EPB41L3: variants seen among roughly 807,000 people sequenced by gnomAD.
The protein encoded by EPB41L3 is erythrocyte membrane protein band 4.1 like 3.
A neutral mutation model predicts 127.1 loss-of-function variants in EPB41L3; 57 were observed. The observed-to-expected ratio is 0.45, with a 90% CI of 0.36 to 0.56. EPB41L3 has a LOEUF of 0.56. Among genes scored for constraint, EPB41L3 ranks in the 20% least tolerant of loss-of-function variants. The probability of loss-of-function intolerance (pLI) is 0.00; values close to 1 mark genes in which losing one functional copy is unlikely to be tolerated. For synonymous variants in EPB41L3, 572 were observed against 549.5 expected, an observed-to-expected ratio of 1.04 and a Z score of -0.57; for missense variants, 1,273 against 1,372.2, an observed-to-expected ratio of 0.93 and a Z score of 1.14.
At chr18:5,445,555 G>C (rs112886327) in intron 3 of EPB41L3, among the ~76,000 whole-genome samples, 1 of 152,204 alleles carries the variant, frequency 6.6e-6, no homozygotes, top group Non-Finnish European at 1.5e-5. Context: ...AAAATAATGT[G>C]ATGCTTGGAA....
At chr18:5,538,585 G>T (rs187268759) in intron 1 of EPB41L3, among the ~76,000 whole-genome samples, 88 of 152,322 alleles carry the variant, frequency 5.8e-4, no homozygotes, top group African/African-American at 2.0e-3. Context: ...AGAAGAGAGA[G>T]CTAAAACAGA....
chr18:5,601,922 T>C (rs975504874), intron 3 of EPB41L3, among the ~76,000 whole-genome samples: 5 of 152,172 alleles, frequency 3.3e-5, no homozygotes, highest in Admixed American at 6.6e-5. Flanking sequence ...TTCGGAGTGG[T>C]TGATTTTCTT....
chr18:5,571,192 A>T lies in EPB41L3; in HGVS notation c.-306+41148T>A, dbSNP rs535892791. Among the ~76,000 whole-genome samples, 38 of 152,352 alleles carry T rather than the reference A, an allele frequency of 2.5e-4. 1 individual carries two copies. The South Asian group carries it at 7.9e-3, about 32-fold the overall frequency. ...GCATTCCAAGAAGTATCAGAAACAA[A>T]TATTGGCTCTAAATAATATCCTCAC... On this transcript the variant is annotated intron_variant, in intron 3 of 21. Transcript: ENST00000545076.
At chr18:5,430,326 G>A (rs549172992) in intron 8 of EPB41L3, among the ~76,000 whole-genome samples, 4 of 152,248 alleles carry the variant, frequency 2.6e-5, no homozygotes, top group African/African-American at 9.6e-5. Context: ...GAGAGCAGGA[G>A]CTCTGTTTAT....
chr18:5,476,129 C>T (rs568227845), intron 3 of EPB41L3, among the ~76,000 whole-genome samples: 66 of 152,188 alleles, frequency 4.3e-4, no homozygotes, highest in African/African-American at 1.5e-3. Flanking sequence ...TCTCATTCAA[C>T]CAATCGGTTA....
At chr18:5,422,307 T>C (rs2077574980) in intron 11 of EPB41L3, among the ~76,000 whole-genome samples, 1 of 152,142 alleles carries the variant, frequency 6.6e-6, no homozygotes, top group African/African-American at 2.4e-5. Flanking sequence ...AGTATTCCAT[T>C]AGAAAAAGAC....
intron 1 of EPB41L3, among the ~76,000 whole-genome samples, chr18:5,498,323 G>A (rs916864041): frequency 6.6e-6 from 1 of 152,096 alleles, no homozygotes; most frequent in Non-Finnish European, 1.5e-5. Context: ...GCTGGGCGCC[G>A]TGGCTCACGC....
intron 3 of EPB41L3, among the ~76,000 whole-genome samples, chr18:5,592,017 A>AT (rs1430175538): frequency 6.6e-6 from 1 of 152,198 alleles, no homozygotes; most frequent in Non-Finnish European, 1.5e-5. Flanking sequence ...GCTTTAGACC[A>AT]TGGTGAAATT....
chr18:5,536,502 T>TA lies in EPB41L3; in HGVS notation c.-12+7410dup, dbSNP rs201022441. 2.7e-3 allele frequency among the ~76,000 whole-genome samples: 398 copies of TA among 144,998 alleles called. 1 individual carries two copies. Among genetic ancestry groups the TA allele is most frequent in the African/African-American group, 8.2e-3 (323 of 39,606 alleles). Reference sequence around the variant, plus strand: ...CTCCTCCGAGACATACTGTTACATTTAAAAAAAAAAAAAATTTGGCCTGGT... The same window carrying TA: ...CTCCTCCGAGACATACTGTTACATTTAAAAAAAAAAAAAAATTTGGCCTGGT... On this transcript the variant is annotated intron_variant, in intron 1 of 22. Coordinates refer to ENST00000341928, the MANE Select transcript of EPB41L3 (RefSeq NM_012307.5).
intron 3 of EPB41L3, among the ~76,000 whole-genome samples, chr18:5,607,898 A>G (rs920427264): frequency 2.8e-5 from 4 of 141,438 alleles, no homozygotes; most frequent in African/African-American, 1.3e-4. Flanking sequence ...CTACCTTTGA[A>G]GGGCCAGGAA....
intron 1 of EPB41L3, among the ~76,000 whole-genome samples, chr18:5,530,398 A>C (rs1183243665): frequency 2.6e-5 from 4 of 152,110 alleles, no homozygotes; most frequent in Non-Finnish European, 5.9e-5. Flanking sequence ...CAAAAAAGTA[A>C]ACTCCCTAGA....
intron 1 of EPB41L3, among the ~76,000 whole-genome samples, chr18:5,499,431 G>A (rs1252664281): frequency 6.6e-6 from 1 of 151,722 alleles, no homozygotes; most frequent in Non-Finnish European, 1.5e-5. Context: ...TTTACTCACT[G>A]TAAGTCAAAT....
In EPB41L3 at chr18:5,420,851, A is replaced by T. The variant is rs556086817; in HGVS notation, c.1340-974T>A. ...ATTTTAGGAATTTAAAAACGTAAATAAAAGAAAGGATTCTGAAATGAAATC... is the reference window on the plus strand; with the variant it reads ...ATTTTAGGAATTTAAAAACGTAAATTAAAGAAAGGATTCTGAAATGAAATC... On this transcript the variant is annotated intron_variant, in intron 11 of 22. Transcript: ENST00000341928. 7.9e-5 allele frequency among the ~76,000 whole-genome samples: 12 copies of T among 152,360 alleles called. No individual in the cohort carries two copies. The East Asian group carries it at 2.3e-3, about 29-fold the overall frequency.
chr18:5,558,349 A>G (rs2094071405), intron 3 of EPB41L3, among the ~76,000 whole-genome samples: 1 of 152,222 alleles, frequency 6.6e-6, no homozygotes. Flanking sequence ...TCTGGACCCA[A>G]ACCACTAAGA....
intron 1 of EPB41L3, among the ~76,000 whole-genome samples, chr18:5,542,851 G>C (rs2093771819): frequency 6.6e-6 from 1 of 152,208 alleles, no homozygotes; most frequent in Non-Finnish European, 1.5e-5. Context: ...GAACTTGGCG[G>C]GCGTGGGGGG....
intron 3 of EPB41L3, among the ~76,000 whole-genome samples, chr18:5,578,601 T>A (rs1038513234): frequency 6.6e-6 from 1 of 152,134 alleles, no homozygotes; most frequent in African/African-American, 2.4e-5. Context: ...AGGATAAGAA[T>A]AGACATTTTG....
At chr18:5,403,067 A>T (rs2074770002) in intron 16 of EPB41L3, among the ~76,000 whole-genome samples, 1 of 152,190 alleles carries the variant, frequency 6.6e-6, no homozygotes, top group Non-Finnish European at 1.5e-5. Flanking sequence ...AACTTTTGGT[A>T]TTCAAGTAAC....
rs75450133 is a variant in EPB41L3, at chr18:5,571,905, T to C, written c.-306+40435A>G. On this transcript the variant is annotated intron_variant, in intron 3 of 21. Coordinates refer to the EPB41L3 transcript ENST00000545076. ...GGGAAAAATATATCCATGAAAGTAA[T>C]TGCCTGAAGGATATAGGGACTGCCT... Among the ~76,000 whole-genome samples the C allele has an allele frequency of 5.8e-3, 884 of 152,326 alleles. 10 individuals carry two copies. The highest frequency in any genetic ancestry group is 0.02 in the African/African-American group (849 of 41,566).
At chr18:5,453,883 A>T (rs1183073728) in intron 3 of EPB41L3, among the ~76,000 whole-genome samples, 1 of 152,220 alleles carries the variant, frequency 6.6e-6, no homozygotes, top group Non-Finnish European at 1.5e-5. Context: ...GACGAATCTA[A>T]CAAAATGTCA....
Sources: allele counts gnomAD v4.1 joint callset (sites outside exome capture counted in the v4.1 genomes callset), GRCh38; gene constraint gnomAD v4.1.1; transcripts MANE v1.5; gene names NCBI Gene and HGNC (gene_info 2026-07-23, HGNC 2026-07-21).